ZGRF1: variants seen among roughly 807,000 people sequenced by gnomAD.
ZGRF1 encodes the protein 5'-3' DNA helicase ZGRF1.
Under a neutral mutation model 203.5 loss-of-function variants are expected in ZGRF1, and 196 were observed. The ratio of observed to expected loss-of-function variants is 0.96; its 90% CI spans 0.86 to 1.08. The LOEUF is 1.08. Among genes scored for constraint, ZGRF1 ranks in the 50% least tolerant of loss-of-function variants. The pLI is 0.00. For synonymous variants in ZGRF1, 809 were observed against 841.3 expected (o/e 0.96, Z 0.66); for missense variants, 2,326 against 2,416.3 (o/e 0.96, Z 0.78).
chr4:112,609,405 G>A lies in ZGRF1; in HGVS notation c.2692C>T (p.Leu898=). The part of the protein sequence containing the change: ...QQILKEDEVE[L]SEPLQSVQFS... Reference sequence around the variant, plus strand: ...TGCACAGACTGAAGTGGTTCACTTAGTTCAACTTCATCTTCTTTTAGTATC... The same window carrying A: ...TGCACAGACTGAAGTGGTTCACTTAATTCAACTTCATCTTCTTTTAGTATC... Residue 898 remains leucine, a synonymous_variant, in exon 8 of 28, where the codon CTA becomes TTA. Transcript: ENST00000505019. 1 of 1,574,768 alleles carries A rather than the reference G, an allele frequency of 6.4e-7. No individual in the cohort carries two copies. The highest frequency in any genetic ancestry group is 1.7e-5 in the Admixed American group (1 of 57,934).
chr4:112,609,467 G>T, intron 7 of ZGRF1, 38 bp from the exon 8 acceptor site: 1 of 1,110,700 alleles, frequency 9.0e-7, no homozygotes, highest in Non-Finnish European at 1.3e-6. Context: ...AAACTAATAG[G>T]CAATAATAAT....
chr4:112,561,491 A>T (rs1741969906), intron 18 of ZGRF1: 1 of 153,282 alleles, frequency 6.5e-6, no homozygotes, highest in South Asian at 2.0e-4. Context: ...GATAAATAAC[A>T]TAATGAAATC....
rs944110677 is a variant in ZGRF1 at position 112,562,220 on chromosome 4, T to G, written c.4697+151A>C. On this transcript the variant is annotated intron_variant, in intron 18 of 27. Transcript: ENST00000505019. ...CACTGCACCCAGCCCCTTTTCTCTT[T>G]TTAACCACTGACAGAGAATAATGTC... 7.1e-6 allele frequency: 4 copies of G among 563,594 alleles called. No homozygotes were observed. The Admixed American group carries it at 8.8e-5, about 12-fold the overall frequency. The allele number at this position is 563,594 out of a possible 1,614,324, so 34.9% of individuals were successfully genotyped here. A position where few individuals can be genotyped will look rare whatever the true frequency, so the allele number is the denominator to read the frequency against.
Position 112,553,869 on chromosome 4 carries a change from T to C in ZGRF1, c.5312A>G (p.His1771Arg), listed in dbSNP as rs1251411950. The C allele has an allele frequency of 1.9e-6, 3 of 1,613,260 alleles. No individual in the cohort carries two copies. Among genetic ancestry groups the C allele is most frequent in the East Asian group, 2.2e-5 (1 of 44,858 alleles). ...RVYVRKSIEQ[H>R]KLGTNRTLLK... Reference sequence around the variant, plus strand: ...CAGGGTTCTATTGGTCCCCAGTTTATGCTGCTCAATGCTTTTTCTCACATA... The same window carrying C: ...CAGGGTTCTATTGGTCCCCAGTTTACGCTGCTCAATGCTTTTTCTCACATA... The change falls in exon 22 of 28, where the codon CAT (histidine) becomes CGT (arginine). Residue 1771 changes from histidine (H) to arginine (R), a missense_variant. Physicochemically the swap from His to Arg is conservative, Grantham distance 29 (BLOSUM62 0). Transcript: ENST00000505019.
chr4:112,555,776 C>T (rs897346655), intron 20 of ZGRF1, among the ~76,000 whole-genome samples: 9 of 152,224 alleles, frequency 5.9e-5, no homozygotes, highest in Non-Finnish European at 1.2e-4. Flanking sequence ...AAGAAATGTA[C>T]GAAACCAGAC....
intron 18 of ZGRF1, 178 bp from the exon 19 acceptor site, chr4:112,561,173 T>C: frequency 1.7e-6 from 1 of 589,246 alleles, no homozygotes; most frequent in South Asian, 2.1e-5. Flanking sequence ...TCGAGGAGGG[T>C]AGAAGAGAAC....
chr4:112,542,106 C>T (rs1303092700), intron 24 of ZGRF1, among the ~76,000 whole-genome samples: 1 of 152,006 alleles, frequency 6.6e-6, no homozygotes, highest in Non-Finnish European at 1.5e-5. Flanking sequence ...CTTTGGGAGG[C>T]CAGGGTGGGA....
rs775292650 is a variant in ZGRF1, at chr4:112,563,259, A to G, written c.4454T>C (p.Val1485Ala). Residue 1485 changes from valine to alanine, a missense_variant, in exon 17 of 28, where the codon GTT becomes GCT. By Grantham distance (64) the Val-to-Ala change is moderately conservative. Transcript: ENST00000505019. ...CAGCTCAAAGTCTAGGGTTTTTGAAACCACCCAAAGATCATCTGAAAAGAC... is the reference window on the plus strand; with the variant it reads ...CAGCTCAAAGTCTAGGGTTTTTGAAGCCACCCAAAGATCATCTGAAAAGAC... ...SAYSKNDLWV[V>A]SKTLDFELDT... 4 of 1,550,904 alleles carry G rather than the reference A, an allele frequency of 2.6e-6. No homozygotes were observed. The highest frequency in any genetic ancestry group is 4.9e-5 in the East Asian group (2 of 40,830).
At chr4:112,546,684 T>G (rs1359134677) in intron 24 of ZGRF1, 1 of 152,244 alleles carries the variant, frequency 6.6e-6, no homozygotes, top group Non-Finnish European at 1.5e-5. Context: ...GGTATATGTG[T>G]GTGGGTTAAT....
intron 10 of ZGRF1, among the ~76,000 whole-genome samples, chr4:112,598,111 C>T (rs1211745107): frequency 6.6e-6 from 1 of 151,996 alleles, no homozygotes; most frequent in African/African-American, 2.4e-5. Flanking sequence ...AAGATGTAAG[C>T]AACTCATGCT....
intron 23 of ZGRF1, among the ~76,000 whole-genome samples, chr4:112,547,696 T>C (rs1739092936): frequency 6.6e-6 from 1 of 152,200 alleles, no homozygotes; most frequent in Admixed American, 6.5e-5. Flanking sequence ...GAAATGCTGG[T>C]TTTTAGAATC....
At chr4:112,608,311 C>A (rs1011551445) in intron 8 of ZGRF1, among the ~76,000 whole-genome samples, 1 of 152,112 alleles carries the variant, frequency 6.6e-6, no homozygotes, top group African/African-American at 2.4e-5. Context: ...CTCTGTGATA[C>A]CTGTCCTTAA....
At chr4:112,599,408 G>A (rs1361923192) in intron 10 of ZGRF1, among the ~76,000 whole-genome samples, 1 of 152,012 alleles carries the variant, frequency 6.6e-6, no homozygotes, top group African/African-American at 2.4e-5. Flanking sequence ...AGAATGAGGT[G>A]GGAAGATTTA....
rs2047671309 is a variant in ZGRF1, at chr4:112,636,863, A to T, written c.-79T>A. On this transcript the variant is annotated 5_prime_UTR_variant, in exon 1 of 28. Coordinates refer to ENST00000505019, the MANE Select transcript of ZGRF1 (RefSeq NM_018392.5). Reference sequence around the variant, plus strand: ...CACTTCACCTCACCTGTCAAATTGCACAAAATCCACTTTCGAATTTCTCCC... The same window carrying T: ...CACTTCACCTCACCTGTCAAATTGCTCAAAATCCACTTTCGAATTTCTCCC... 6.6e-6 allele frequency: 1 copy of T among 152,204 alleles called. No individual in the cohort carries two copies. Among genetic ancestry groups the T allele is most frequent in the Admixed American group, 6.5e-5 (1 of 15,276 alleles). 9.4% of individuals were successfully genotyped at this position (152,204 alleles called of 1,614,324 possible).
In ZGRF1 at chr4:112,587,796, G is replaced by C; in HGVS notation, c.3261C>G (p.Ile1087Met). 6.4e-7 allele frequency: 1 copy of C among 1,552,210 alleles called. No individual in the cohort carries two copies. The highest frequency in any genetic ancestry group is 8.7e-7 in the Non-Finnish European group (1 of 1,147,136). ...CAGAAGACTCGTATGTGTTAGAGTT[G>C]ATCATATACGAATGAGAGTCTAAGT... Reference protein sequence around the residue: ...PPDLDSHSYMINSNTYESSGS... With the variant: ...PPDLDSHSYMMNSNTYESSGS... The change falls in exon 12 of 28, where the codon ATC becomes ATG. Residue 1087 changes from isoleucine to methionine, a missense_variant. Transcript: ENST00000505019.
intron 12 of ZGRF1, 77 bp downstream of exon 12, chr4:112,587,203 A>G: frequency 7.2e-7 from 1 of 1,391,790 alleles, no homozygotes; most frequent in Non-Finnish European, 9.7e-7. Context: ...TATGCAGTAT[A>G]TTTTGGTAAT....
At chr4:112,581,940 T>A (rs1410941119) in intron 15 of ZGRF1, 138 bp from the exon 16 acceptor site, 1 of 405,420 alleles carries the variant, frequency 2.5e-6, no homozygotes, top group South Asian at 5.6e-5. Flanking sequence ...AATATAAATA[T>A]ACTGTATCAA....
chr4:112,562,061 C>T (rs547366775), intron 18 of ZGRF1, among the ~76,000 whole-genome samples: 2 of 152,138 alleles, frequency 1.3e-5, no homozygotes, highest in South Asian at 4.1e-4. Context: ...AGGCATGCGC[C>T]AGTATGCCCA....
intron 6 of ZGRF1, among the ~76,000 whole-genome samples, chr4:112,615,378 C>A (rs1430507169): frequency 1.3e-5 from 2 of 152,062 alleles, no homozygotes; most frequent in Non-Finnish European, 2.9e-5. Flanking sequence ...CAGGTCCCCA[C>A]CACCACACCC....
Sources: allele counts gnomAD v4.1 joint callset (sites outside exome capture counted in the v4.1 genomes callset), GRCh38; gene constraint gnomAD v4.1.1; transcripts MANE v1.5; gene names NCBI Gene and HGNC (gene_info 2026-07-23, HGNC 2026-07-21).